PTDSS1: variants seen among roughly 807,000 people sequenced by gnomAD.
PTDSS1 encodes the protein PSS-1.
PTDSS1 carries 45 observed loss-of-function variants against 70.5 expected under a neutral mutation model. The observed-to-expected ratio is 0.64, with a 90% CI of 0.50 to 0.82. The LOEUF (loss-of-function observed/expected upper bound fraction) is 0.82, where lower values mean the gene tolerates loss of function less well. Ranked by LOEUF, PTDSS1 falls within the 40% of genes least tolerant of loss-of-function variation. PTDSS1 has a pLI of 0.00. For missense variants in PTDSS1, 417 were observed against 586.1 expected, an observed-to-expected ratio of 0.71 and a Z score of 2.98; for synonymous variants, 188 against 203.8, an observed-to-expected ratio of 0.92 and a Z score of 0.66.
At chr8:96,289,946 A>T in intron 4 of PTDSS1, among the ~76,000 whole-genome samples, 1 of 152,204 alleles carries the variant, frequency 6.6e-6, no homozygotes, top group Non-Finnish European at 1.5e-5. Flanking sequence ...GATGATGATG[A>T]TAATGCAGAT....
At chr8:96,287,180 C>A (rs773331534) in intron 4 of PTDSS1, 34 bp downstream of exon 4, 2 of 1,610,086 alleles carry the variant, frequency 1.2e-6, no homozygotes, top group Non-Finnish European at 1.7e-6. Flanking sequence ...TGGAGAAACT[C>A]GTAGACTCTT....
intron 9 of PTDSS1, among the ~76,000 whole-genome samples, chr8:96,316,865 A>G (rs1265192204): frequency 6.6e-6 from 1 of 151,914 alleles, no homozygotes; most frequent in Non-Finnish European, 1.5e-5. Flanking sequence ...GTGGTGGCAC[A>G]CGCCTGTAGT....
chr8:96,327,807 T>G (rs1442929131), intron 10 of PTDSS1, among the ~76,000 whole-genome samples: 1 of 152,202 alleles, frequency 6.6e-6, no homozygotes, highest in Non-Finnish European at 1.5e-5. Flanking sequence ...CTGGACAGCC[T>G]GGCTCTCATC....
At chr8:96,288,661 ACT>A (rs1488698133) in intron 4 of PTDSS1, among the ~76,000 whole-genome samples, 1 of 109,772 alleles carries the variant, frequency 9.1e-6, no homozygotes, top group Non-Finnish European at 1.7e-5. Flanking sequence ...ATGGTGCCTC[ACT>A]CTGTCGCCCA....
At chr8:96,278,001 T>C (rs1810673686) in intron 2 of PTDSS1, among the ~76,000 whole-genome samples, 1 of 152,228 alleles carries the variant, frequency 6.6e-6, no homozygotes, top group East Asian at 1.9e-4. Flanking sequence ...CAGTGACCTG[T>C]GAAGACCCAG....
rs1168996788 is a variant in PTDSS1, at chr8:96,267,984, G to A, written c.180-5315G>A. Among the ~76,000 whole-genome samples the A allele has an allele frequency of 3.9e-5, 6 of 152,274 alleles. No homozygotes were observed. In the East Asian group the frequency reaches 1.2e-3, roughly 29 times the overall value. Reference sequence around the variant, plus strand: ...TCTCAATTGTTCCAAGAAGCACAGAGGAAGAAATGTTTATATCCTTCCAAA... The same window carrying A: ...TCTCAATTGTTCCAAGAAGCACAGAAGAAGAAATGTTTATATCCTTCCAAA... On this transcript the variant is annotated intron_variant, in intron 1 of 12. Coordinates refer to ENST00000517309, the MANE Select transcript of PTDSS1 (RefSeq NM_014754.3).
intron 2 of PTDSS1, among the ~76,000 whole-genome samples, chr8:96,281,213 A>G (rs1482049140): frequency 4.6e-5 from 7 of 152,206 alleles, no homozygotes; most frequent in Non-Finnish European, 7.3e-5. Context: ...ACTTTTAGCA[A>G]TACTGCTGTC....
chr8:96,296,468 G>A (rs1333142225), intron 5 of PTDSS1, among the ~76,000 whole-genome samples: 1 of 152,116 alleles, frequency 6.6e-6, no homozygotes, highest in East Asian at 1.9e-4. Flanking sequence ...GGACACAAGA[G>A]CATTCCCTTT....
chr8:96,274,533 G>A (rs531627246), intron 2 of PTDSS1, among the ~76,000 whole-genome samples: 12 of 152,146 alleles, frequency 7.9e-5, no homozygotes, highest in East Asian at 1.9e-4. Flanking sequence ...CGAGACCAGC[G>A]TGACCAACAT....
In PTDSS1 at chr8:96,335,520, C is replaced by A. The variant is rs1811583113; in HGVS notation, c.*1954C>A. The A allele has an allele frequency of 6.6e-6, 1 of 152,252 alleles. No individual in the cohort carries two copies. Among genetic ancestry groups the A allele is most frequent in the Non-Finnish European group, 1.5e-5 (1 of 68,038 alleles). The allele number at this position is 152,252 out of a possible 1,614,324, so 9.4% of individuals were successfully genotyped here. A position where few individuals can be genotyped will look rare whatever the true frequency, so the allele number is the denominator to read the frequency against. ...GCATGTGTGCTTCCTCTGAGGCCAG[C>A]CTACAGGAGGCAGCTGTTTCGCAGG... On this transcript the variant is annotated 3_prime_UTR_variant, in exon 13 of 13. Transcript: ENST00000517309.
intron 2 of PTDSS1, among the ~76,000 whole-genome samples, chr8:96,279,716 G>T (rs1473547612): frequency 6.6e-6 from 1 of 152,080 alleles, no homozygotes; most frequent in South Asian, 2.1e-4. Flanking sequence ...CTACTCAGGA[G>T]GCTGAGGCAG....
At chr8:96,309,322 C>G (rs918614893) in intron 8 of PTDSS1, 7 of 310,226 alleles carry the variant, frequency 2.3e-5, no homozygotes, top group Non-Finnish European at 3.6e-5. Context: ...TCAGACCAGA[C>G]AAGAATCTGG....
At chr8:96,299,668 C>T in intron 5 of PTDSS1, 26 bp from the exon 6 acceptor site, 2 of 1,562,912 alleles carry the variant, frequency 1.3e-6, no homozygotes, top group Non-Finnish European at 1.7e-6. Flanking sequence ...TTTATTTTTC[C>T]AACCATGGGC....
intron 1 of PTDSS1, among the ~76,000 whole-genome samples, chr8:96,267,840 C>G (rs150067303): frequency 0.017 from 2,591 of 152,294 alleles, 34 homozygotes; most frequent in Non-Finnish European, 0.028. Flanking sequence ...TGTCCCATAC[C>G]TAGGCAGGGC....
At chr8:96,316,330 A>C (rs777444963) in intron 9 of PTDSS1, among the ~76,000 whole-genome samples, 8 of 152,200 alleles carry the variant, frequency 5.3e-5, no homozygotes, top group Non-Finnish European at 1.0e-4. Flanking sequence ...AGTGCCCATC[A>C]GTGGTGGACT....
rs1487617775 is a variant in PTDSS1 at position 96,335,010 on chromosome 8, T to G, written c.*1444T>G. On this transcript the variant is annotated 3_prime_UTR_variant, in exon 13 of 13. Transcript: ENST00000517309. Reference sequence around the variant, plus strand: ...CAAGATGAACGGGTTGAATGAATCATGCCAGCCAGGGTCACATCCTGTCCT... The same window carrying G: ...CAAGATGAACGGGTTGAATGAATCAGGCCAGCCAGGGTCACATCCTGTCCT... 1 of 152,194 alleles carries G rather than the reference T, an allele frequency of 6.6e-6. No homozygotes were observed. Among genetic ancestry groups the G allele is most frequent in the East Asian group, 1.9e-4 (1 of 5,190 alleles). The allele number at this position is 152,194 out of a possible 1,614,324, so 9.4% of individuals were successfully genotyped here.
intron 2 of PTDSS1, among the ~76,000 whole-genome samples, chr8:96,274,564 A>G (rs1810613483): frequency 6.6e-6 from 1 of 152,144 alleles, no homozygotes; most frequent in African/African-American, 2.4e-5. Context: ...CGTCTCTACT[A>G]AAAATACAAA....
Position 96,284,089 on chromosome 8 carries a change from A to G in PTDSS1, c.272-20A>G, listed in dbSNP as rs1320720633. On this transcript the variant is annotated intron_variant, in intron 2 of 12. Transcript: ENST00000517309. The stretch of plus-strand genomic sequence containing the variant: ...TCTGAAACCAGTTCCTTCTAACTTT[A>G]TAATGTTATTTATCTGCAGGTCCGT... 6 of 1,595,150 alleles carry G rather than the reference A, an allele frequency of 3.8e-6. No homozygotes were observed. The African/African-American group carries it at 4.0e-5, about 11-fold the overall frequency.
intron 1 of PTDSS1, among the ~76,000 whole-genome samples, chr8:96,271,033 CATTA>C (rs1383238381): frequency 6.6e-6 from 1 of 152,130 alleles, no homozygotes; most frequent in Non-Finnish European, 1.5e-5. Flanking sequence ...GTTAATAACC[CATTA>C]ATTAAAATTT....
Sources: allele counts gnomAD v4.1 joint callset (sites outside exome capture counted in the v4.1 genomes callset), GRCh38; gene constraint gnomAD v4.1.1; transcripts MANE v1.5; gene names NCBI Gene and HGNC (gene_info 2026-07-23, HGNC 2026-07-21).